SDK1: variants seen among roughly 807,000 people sequenced by gnomAD.
The protein encoded by SDK1 is protein sidekick-1.
In SDK1, 157 loss-of-function variants were observed where a neutral mutation model predicts 245.5. That is an observed-to-expected ratio of 0.64 (90% CI 0.56 to 0.73). The LOEUF (loss-of-function observed/expected upper bound fraction) is 0.73. Among genes scored for constraint, SDK1 ranks in the 30% least tolerant of loss-of-function variants. The pLI, the probability that SDK1 is intolerant of heterozygous loss-of-function variation, is 0.00. For missense variants in SDK1, 3,583 were observed against 3,002.3 expected, an observed-to-expected ratio of 1.19 and a Z score of -4.52; for synonymous variants, 1,647 against 1,278.5, an observed-to-expected ratio of 1.29 and a Z score of -6.15.
In SDK1 at chr7:3,913,890, G is replaced by A. The variant is rs558094752; in HGVS notation, c.848-37033G>A. Among the ~76,000 whole-genome samples, 37 of 152,288 alleles carry A rather than the reference G, an allele frequency of 2.4e-4. No individual in the cohort carries two copies. In the South Asian group the frequency reaches 7.5e-3, roughly 31 times the overall value. ...GCCAGAGTAAATAAAAATGACTGGA[G>A]ATGACTGATTTGCCCCAGATTACAC... On this transcript the variant is annotated intron_variant, in intron 5 of 44. Transcript: ENST00000404826.
chr7:4,192,451 AT>A (rs2128222924), intron 35 of SDK1, among the ~76,000 whole-genome samples: 1 of 152,130 alleles, frequency 6.6e-6, no homozygotes, highest in Admixed American at 6.5e-5. Context: ...AATTCCTTGT[AT>A]TTTTAGTAGA....
chr7:4,175,122 G>A (rs1376539662), intron 33 of SDK1, among the ~76,000 whole-genome samples: 1 of 152,244 alleles, frequency 6.6e-6, no homozygotes, highest in Non-Finnish European at 1.5e-5. Flanking sequence ...CACGCACCCA[G>A]TGCGCGGACG....
At chr7:3,908,258 C>G (rs975282290) in intron 5 of SDK1, among the ~76,000 whole-genome samples, 1 of 152,194 alleles carries the variant, frequency 6.6e-6, no homozygotes. Context: ...AAACAGTGAA[C>G]ACTCACTGAA....
intron 5 of SDK1, among the ~76,000 whole-genome samples, chr7:3,949,904 C>T (rs1191654265): frequency 1.3e-5 from 2 of 152,104 alleles, no homozygotes; most frequent in African/African-American, 4.8e-5. Flanking sequence ...ATATTGGCTC[C>T]AGGGAAGCAT....
chr7:3,710,641 C>T (rs1322282189), intron 4 of SDK1, among the ~76,000 whole-genome samples: 3 of 152,162 alleles, frequency 2.0e-5, no homozygotes, highest in Admixed American at 6.5e-5. Context: ...GTGTGTGCTT[C>T]GACACTCTCG....
chr7:3,677,860 TTTTTTGACAAGGG>T (rs1487458950), intron 4 of SDK1, among the ~76,000 whole-genome samples: 1 of 152,188 alleles, frequency 6.6e-6, no homozygotes, highest in Non-Finnish European at 1.5e-5. Context: ...AACCAGCTGA[TTTTTTGACAAGGG>T]TACAAAACTC....
At chr7:3,555,711 A>G (rs1779566948) in intron 1 of SDK1, among the ~76,000 whole-genome samples, 1 of 152,204 alleles carries the variant, frequency 6.6e-6, no homozygotes, top group African/African-American at 2.4e-5. Context: ...AAGGAGTTCA[A>G]GCAACTCTAT....
At chr7:4,143,949 G>A (rs1038345063) in intron 28 of SDK1, among the ~76,000 whole-genome samples, 3 of 152,182 alleles carry the variant, frequency 2.0e-5, no homozygotes, top group African/African-American at 7.2e-5. Flanking sequence ...TAGCCGCTGT[G>A]GTCACGCTCT....
chr7:3,545,801 G>T (rs1015970658), intron 1 of SDK1, among the ~76,000 whole-genome samples: 2 of 152,178 alleles, frequency 1.3e-5, no homozygotes, highest in Non-Finnish European at 2.9e-5. Flanking sequence ...AAGCGAAAGG[G>T]TAATCAAATA....
chr7:3,807,532 T>G (rs1682155821), intron 4 of SDK1, among the ~76,000 whole-genome samples: 1 of 152,124 alleles, frequency 6.6e-6, no homozygotes, highest in African/African-American at 2.4e-5. Flanking sequence ...GGTATCTGAT[T>G]GGAGACCTAT....
chr7:3,354,944 A>G (rs1352063098), intron 1 of SDK1, among the ~76,000 whole-genome samples: 1 of 152,194 alleles, frequency 6.6e-6, no homozygotes, highest in African/African-American at 2.4e-5. Flanking sequence ...AACACTCACT[A>G]CATGTGAAAG....
intron 14 of SDK1, among the ~76,000 whole-genome samples, chr7:3,990,285 C>T (rs1454413282): frequency 6.6e-6 from 1 of 152,192 alleles, no homozygotes; most frequent in African/African-American, 2.4e-5. Flanking sequence ...CTCCCCCTTG[C>T]AGGGGCATCT....
Position 3,435,961 on chromosome 7 carries a change from C to G in SDK1, c.298+134077C>G, listed in dbSNP as rs562160457. Among the ~76,000 whole-genome samples, 5 of 152,298 alleles carry G rather than the reference C, an allele frequency of 3.3e-5. No homozygotes were observed. In the South Asian group the frequency reaches 1.0e-3, roughly 32 times the overall value. On this transcript the variant is annotated intron_variant, in intron 1 of 44. Transcript: ENST00000404826. ...TAGTTGAAAAAGCAGAACTGTTGCT[C>G]TGGCCTAAACATTAACTTTGGAGAG...
intron 17 of SDK1, among the ~76,000 whole-genome samples, chr7:4,018,193 G>T (rs1035971255): frequency 4.6e-5 from 7 of 152,138 alleles, no homozygotes; most frequent in African/African-American, 1.7e-4. Context: ...TTATGCCCTC[G>T]CCTGATTCAC....
At chr7:3,607,727 T>C (rs573706630) in intron 1 of SDK1, among the ~76,000 whole-genome samples, 1 of 152,362 alleles carries the variant, frequency 6.6e-6, no homozygotes, top group South Asian at 2.1e-4. Context: ...AAAGTAAATG[T>C]GTTGTGGATG....
intron 5 of SDK1, among the ~76,000 whole-genome samples, chr7:3,892,278 C>G (rs1029550061): frequency 2.0e-5 from 3 of 152,220 alleles, no homozygotes; most frequent in Admixed American, 2.0e-4. Context: ...TTATTTTTCA[C>G]TTAAGAATCC....
At chr7:3,670,271 G>A (rs762556638) in intron 4 of SDK1, among the ~76,000 whole-genome samples, 43 of 152,220 alleles carry the variant, frequency 2.8e-4, no homozygotes, top group Admixed American at 9.8e-4. Flanking sequence ...ATAAACAGCA[G>A]GGTTTGTGTA....
intron 13 of SDK1, among the ~76,000 whole-genome samples, chr7:3,984,849 A>T (rs77218238): frequency 6.6e-6 from 1 of 152,214 alleles, no homozygotes; most frequent in African/African-American, 2.4e-5. Flanking sequence ...TCAAAAAGAC[A>T]TCCCAGAAAT....
intron 4 of SDK1, among the ~76,000 whole-genome samples, chr7:3,769,867 T>C (rs1462691193): frequency 6.6e-6 from 1 of 151,864 alleles, no homozygotes; most frequent in Non-Finnish European, 1.5e-5. Context: ...TTGTTCACAA[T>C]AGGTACTAAT....
Sources: gnomAD v4.1 joint callset for allele counts (sites outside exome capture counted in the v4.1 genomes callset) on GRCh38, gnomAD v4.1.1 for gene constraint, MANE v1.5 for transcripts, NCBI Gene and HGNC (gene_info 2026-07-23, HGNC 2026-07-21) for gene names.